Variants in CMTR1 observed in about 807,000 individuals in gnomAD.
CMTR1 encodes the protein cap methyltransferase 1.
Under a neutral mutation model 107.0 loss-of-function variants are expected in CMTR1, and 39 were observed. That is an observed-to-expected ratio of 0.36 (90% confidence interval 0.28 to 0.48). CMTR1 has a LOEUF of 0.48. Among genes scored for constraint, CMTR1 ranks in the 20% least tolerant of loss-of-function variants. CMTR1 has a pLI of 0.99. For synonymous variants in CMTR1, 366 were observed against 379.5 expected, an observed-to-expected ratio of 0.96 and a Z score of 0.41; for missense variants, 672 against 1,064.9, an observed-to-expected ratio of 0.63 and a Z score of 5.14.
intron 14 of CMTR1, 64 bp downstream of exon 14, chr6:37,471,141 C>T (rs1472890130): frequency 7.0e-7 from 1 of 1,422,946 alleles, no homozygotes; most frequent in Non-Finnish European, 9.6e-7. Flanking sequence ...TTCCTCCCCA[C>T]AAGCTGTTTG....
intron 13 of CMTR1, among the ~76,000 whole-genome samples, chr6:37,468,819 G>T (rs1761562693): frequency 6.6e-6 from 1 of 152,198 alleles, no homozygotes; most frequent in Admixed American, 6.5e-5. Flanking sequence ...GGAGGCAGAG[G>T]TTGCAGTTAG....
At chr6:37,439,716 T>C (rs1327112152) in intron 2 of CMTR1, among the ~76,000 whole-genome samples, 2 of 152,260 alleles carry the variant, frequency 1.3e-5, no homozygotes, top group African/African-American at 4.8e-5. Flanking sequence ...AAATTCATAA[T>C]TTATTTTTCT....
chr6:37,432,925 T>C (rs1158177451), upstream of CMTR1, among the ~76,000 whole-genome samples: 1 of 152,252 alleles, frequency 6.6e-6, no homozygotes, highest in Non-Finnish European at 1.5e-5. Flanking sequence ...CTCTCTGAAC[T>C]TGTTCTTAGT....
In CMTR1 at chr6:37,474,457, G is replaced by GAGA. The variant is rs566769903; in HGVS notation, c.1822-64_1822-62dup. 252 of 1,591,198 alleles carry GAGA rather than the reference G, an allele frequency of 1.6e-4. No individual in the cohort carries two copies. The African/African-American group carries it at 3.0e-3, about 19-fold the overall frequency. ...GTAGCTGCCAACTAAAAGCTCTTTT[G>GAGA]AGAAGTAAGCCTCTTATCCCTCGAT... On this transcript the variant is annotated intron_variant, in intron 17 of 23. Coordinates refer to ENST00000373451, the MANE Select transcript of CMTR1 (RefSeq NM_015050.3).
At chr6:37,460,320 A>G (rs1205881915) in intron 10 of CMTR1, among the ~76,000 whole-genome samples, 1 of 152,236 alleles carries the variant, frequency 6.6e-6, no homozygotes, top group African/African-American at 2.4e-5. Flanking sequence ...TGATATCCAA[A>G]GATGCCTAGG....
rs1217714651 is a variant in CMTR1 at position 37,462,117 on chromosome 6, T to C, written c.1325+15T>C. 1 of 1,614,084 alleles carries C rather than the reference T, an allele frequency of 6.2e-7. No individual in the cohort carries two copies. Among genetic ancestry groups the C allele is most frequent in the Non-Finnish European group, 8.5e-7 (1 of 1,179,974 alleles). On this transcript the variant is annotated intron_variant, in intron 12 of 23. Coordinates refer to ENST00000373451, the MANE Select transcript of CMTR1 (RefSeq NM_015050.3). Reference sequence around the variant, plus strand: ...AACTCAGAGAGGTGAAGCCTTTCTCTCTATATTAGCCAGATTAATTGGCTA... The same window carrying C: ...AACTCAGAGAGGTGAAGCCTTTCTCCCTATATTAGCCAGATTAATTGGCTA...
chr6:37,461,834 C>T lies in CMTR1; in HGVS notation c.1193-136C>T, dbSNP rs994131706. On this transcript the variant is annotated intron_variant, in intron 11 of 23. Coordinates refer to ENST00000373451, the MANE Select transcript of CMTR1 (RefSeq NM_015050.3). Reference sequence around the variant, plus strand: ...AAGTCCCCTCCAAAGATGGTTCTCCCCCTTAAATTGTCTCTGAGTTTTAAC... The same window carrying T: ...AAGTCCCCTCCAAAGATGGTTCTCCTCCTTAAATTGTCTCTGAGTTTTAAC... 4 of 1,024,168 alleles carry T rather than the reference C, an allele frequency of 3.9e-6. No homozygotes were observed. The East Asian group carries it at 9.6e-5, about 24-fold the overall frequency. The allele number at this position is 1,024,168 out of a possible 1,614,324, so 63.4% of individuals were successfully genotyped here. A position where few individuals can be genotyped will look rare whatever the true frequency, so the allele number is the denominator to read the frequency against.
intron 4 of CMTR1, 39 bp downstream of exon 4, chr6:37,446,488 G>C (rs968470749): frequency 5.0e-6 from 8 of 1,586,682 alleles, no homozygotes; most frequent in Non-Finnish European, 5.1e-6. Flanking sequence ...AAAGCCACTT[G>C]TGTTTTTGGA....
At chr6:37,424,157 G>T in the CMTR1 span, among the ~76,000 whole-genome samples, 1 of 152,064 alleles carries the variant, frequency 6.6e-6, no homozygotes, top group Admixed American at 6.5e-5. Context: ...TGTTAGAAAA[G>T]AAAATGATTT....
At chr6:37,428,008 C>CAGACAG in the CMTR1 span, among the ~76,000 whole-genome samples, 1 of 114,860 alleles carries the variant, frequency 8.7e-6, no homozygotes, top group East Asian at 2.8e-4. Context: ...GCAACAGAGA[C>CAGACAG]AGAGAGAGAG....
At chr6:37,471,740 A>T in intron 14 of CMTR1, 107 bp from the exon 15 acceptor site, 1 of 913,474 alleles carries the variant, frequency 1.1e-6, no homozygotes, top group Non-Finnish European at 1.7e-6. Context: ...GTGTACACTC[A>T]CATGTTCATT....
chr6:37,475,825 C>A lies in CMTR1; in HGVS notation c.2037-301C>A. On this transcript the variant is annotated intron_variant, in intron 19 of 23. Coordinates refer to ENST00000373451, the MANE Select transcript of CMTR1 (RefSeq NM_015050.3). ...TTTGGGGTGACAGGGCAGACACATA[C>A]AATAAAGATGATACTTGAAGTTCTA... 1.6e-5 allele frequency: 8 copies of A among 492,686 alleles called. 1 individual carries two copies. In the South Asian group the frequency reaches 1.7e-4, roughly 10 times the overall value. The allele number at this position is 492,686 out of a possible 1,614,324, so 30.5% of individuals were successfully genotyped here. A position where few individuals can be genotyped will look rare whatever the true frequency, so the allele number is the denominator to read the frequency against.
the CMTR1 span, among the ~76,000 whole-genome samples, chr6:37,428,055 A>AGAGAGAGAGG: frequency 7.0e-6 from 1 of 142,786 alleles, no homozygotes; most frequent in South Asian, 2.2e-4. Flanking sequence ...AGAGAGAGAG[A>AGAGAGAGAGG]GAGAGAAACT....
chr6:37,431,789 C>T (rs1376067951), upstream of CMTR1, among the ~76,000 whole-genome samples: 1 of 152,136 alleles, frequency 6.6e-6, no homozygotes, highest in East Asian at 1.9e-4. Flanking sequence ...GGGGGCTGAA[C>T]TCTTAAGAGA....
rs118079825 is a variant in CMTR1 at position 37,455,357 on chromosome 6, G to A, written c.777+2045G>A. ...GCCTCCCAAAGTGTTGGGATTGCAC[G>A]CGTGAGCTACCGCGCCCAGCCAACT... On this transcript the variant is annotated intron_variant, in intron 8 of 23. Coordinates refer to ENST00000373451, the MANE Select transcript of CMTR1 (RefSeq NM_015050.3). Among the ~76,000 whole-genome samples, 433 of 152,330 alleles carry A rather than the reference G, an allele frequency of 2.8e-3. 12 individuals carry two copies. In the East Asian group the frequency reaches 0.069, roughly 24 times the overall value.
At chr6:37,476,068 A>C (rs1761730581) in intron 19 of CMTR1, 58 bp from the exon 20 acceptor site, 49 of 1,528,930 alleles carry the variant, frequency 3.2e-5, no homozygotes, top group Non-Finnish European at 4.3e-5. Context: ...CCCTGGGGGT[A>C]GGGGTGCTGG....
At chr6:37,439,447 G>T (rs950859176) in intron 2 of CMTR1, among the ~76,000 whole-genome samples, 1 of 152,148 alleles carries the variant, frequency 6.6e-6, no homozygotes, top group African/African-American at 2.4e-5. Context: ...AAGTTGCCAG[G>T]CTCCTTCACC....
rs769983715 is a variant in CMTR1, at chr6:37,473,459, C to CG, written c.1690-10dup. 1 of 1,610,932 alleles carries CG rather than the reference C, an allele frequency of 6.2e-7. No homozygotes were observed. The highest frequency in any genetic ancestry group is 1.1e-5 in the South Asian group (1 of 90,600). ...CAACCCGGCAGTGTTTTCTCTGACT[C>CG]GTGGCTGCAGGGCACTGAGATTGAC... On this transcript the variant is annotated splice_polypyrimidine_tract_variant and intron_variant, in intron 16 of 23. Transcript: ENST00000373451.
chr6:37,476,232 G>GC (rs1761734645), intron 20 of CMTR1, 38 bp downstream of exon 20: 1 of 1,604,566 alleles, frequency 6.2e-7, no homozygotes, highest in African/African-American at 1.3e-5. Flanking sequence ...CTTCTTTCTG[G>GC]CCAGTACCTG....
Sources: gnomAD v4.1 joint callset for allele counts (sites outside exome capture counted in the v4.1 genomes callset) on GRCh38, gnomAD v4.1.1 for gene constraint, MANE v1.5 for transcripts, NCBI Gene and HGNC (gene_info 2026-07-23, HGNC 2026-07-21) for gene names.